Variants in GRN observed in about 807,000 individuals in gnomAD.
GRN encodes granulin precursor.
A neutral mutation model predicts 66.7 loss-of-function variants in GRN; 30 were observed. The ratio of observed to expected loss-of-function variants is 0.45; its 90% confidence interval spans 0.34 to 0.61. The LOEUF (loss-of-function observed/expected upper bound fraction) is 0.61. GRN is among the 20% of genes least tolerant of loss of function. The pLI is 0.01. For synonymous variants in GRN, 327 were observed against 311.1 expected (o/e 1.05, Z -0.54); for missense variants, 731 against 803.5 (o/e 0.91, Z 1.09).
At chr17:44,349,950 C>T (rs1357613381) in intron 4 of GRN, 199 bp downstream of exon 4, 2 of 639,194 alleles carry the variant, frequency 3.1e-6, no homozygotes, top group Non-Finnish European at 5.6e-6. Flanking sequence ...TGCAAGACTC[C>T]AGGTCCAGGC....
chr17:44,351,315 A>G (rs997508256), intron 8 of GRN, 48 bp from the exon 9 acceptor site: 5 of 1,537,380 alleles, frequency 3.3e-6, no homozygotes, highest in Non-Finnish European at 4.5e-6. Context: ...GATACCCCTG[A>G]GGGTCCCCAG....
Position 44,352,008 on chromosome 17 carries a change from C to G in GRN, c.1180-7C>G, listed in dbSNP as rs1288562767. The G allele has an allele frequency of 1.2e-6, 2 of 1,608,826 alleles. No individual in the cohort carries two copies. The highest frequency in any genetic ancestry group is 1.3e-5 in the African/African-American group (1 of 74,936). On this transcript the variant is annotated splice_polypyrimidine_tract_variant and splice_region_variant and intron_variant, in intron 10 of 12. Coordinates refer to ENST00000053867, the MANE Select transcript of GRN (RefSeq NM_002087.4). The stretch of plus-strand genomic sequence containing the variant: ...ACCTACAACGCCCTTTCCTGCCCAC[C>G]CCCCAGGCTGTCTGCTGCTCGGACC...
chr17:44,346,209 G>C (rs2048325553), intron 1 of GRN: 1 of 153,748 alleles, frequency 6.5e-6, no homozygotes, highest in Non-Finnish European at 1.4e-5. Context: ...CACCCAGGAA[G>C]CAGGCGGTGC....
Position 44,351,806 on chromosome 17 carries a change from GGGGACA to G in GRN, c.1179+13_1179+18del. The G allele has an allele frequency of 6.2e-7, 1 of 1,612,108 alleles. No homozygotes were observed. ...TGTCCAATCCCAGAGGTATATGGGAGGGGACAGCATCTTGGCCTGGGCAGGTGGGTG... is the reference window on the plus strand; with the variant it reads ...TGTCCAATCCCAGAGGTATATGGGAGGCATCTTGGCCTGGGCAGGTGGGTG... On this transcript the variant is annotated intron_variant, in intron 10 of 12. Coordinates refer to ENST00000053867, the MANE Select transcript of GRN (RefSeq NM_002087.4).
chr17:44,350,430 A>G lies in GRN; in HGVS notation c.463-12A>G. The G allele has an allele frequency of 1.9e-6, 3 of 1,613,652 alleles. No individual in the cohort carries two copies. Among genetic ancestry groups the G allele is most frequent in the Non-Finnish European group, 2.5e-6 (3 of 1,179,916 alleles). ...AGGGGGTGAAGACGGAGTCAGGACC[A>G]TTTTTTCTCAGGCTTCCTGCTGTGA... On this transcript the variant is annotated splice_polypyrimidine_tract_variant and intron_variant, in intron 5 of 12. Transcript: ENST00000053867.
At chr17:44,351,328 C>T (rs768929056) in intron 8 of GRN, 35 bp from the exon 9 acceptor site, 1 of 1,563,292 alleles carries the variant, frequency 6.4e-7, no homozygotes, top group Non-Finnish European at 8.8e-7. Context: ...GTCCCCAGTG[C>T]CACTTCTGAC....
rs1302480844 is a variant in GRN, at chr17:44,350,279, C to T, written c.401C>T (p.Pro134Leu). The change falls in exon 5 of 13, where the codon CCG becomes CTG. Residue 134 changes from proline to leucine, a missense_variant. Physicochemically the swap from Pro to Leu is moderately conservative, Grantham distance 98. This residue lies in a region of GRN where 370 missense variants were observed against 379.8 expected (regional missense o/e 0.97). Coordinates refer to ENST00000053867, the MANE Select transcript of GRN (RefSeq NM_002087.4). ...TGCCCTGATAGTCAGTTCGAATGCC[C>T]GGACTTCTCCACGTGCTGTGTTATG... is the stretch of plus-strand genomic sequence containing the variant. ...IQCPDSQFEC[P>L]DFSTCCVMVD... 7 of 1,613,684 alleles carry T rather than the reference C, an allele frequency of 4.3e-6. No homozygotes were observed. The highest frequency in any genetic ancestry group is 4.0e-5 in the African/African-American group (3 of 74,780).
At position 44,351,181 on chromosome 17, in the gene GRN, C is replaced by T. The variant is rs1180165521; in HGVS notation, c.835+18C>T. 1.2e-6 allele frequency: 2 copies of T among 1,614,038 alleles called. No individual in the cohort carries two copies. The highest frequency in any genetic ancestry group is 2.2e-5 in the South Asian group (2 of 91,088). Reference sequence around the variant, plus strand: ...GCACACAGGTACCAGAGGCAGGGTGCAGATACAGGGGTGGGGCCCCCTTTC... The same window carrying T: ...GCACACAGGTACCAGAGGCAGGGTGTAGATACAGGGGTGGGGCCCCCTTTC... On this transcript the variant is annotated intron_variant, in intron 8 of 12. Transcript: ENST00000053867.
At chr17:44,350,412 G>A (rs368119838) in intron 5 of GRN, 30 bp from the exon 6 acceptor site, 39 of 1,613,640 alleles carry the variant, frequency 2.4e-5, no homozygotes, top group African/African-American at 2.3e-4. Flanking sequence ...GGCAGGGGGT[G>A]AAGACGGAGT....
rs1221550022 is a variant in GRN, at chr17:44,350,355, G to A, written c.462+15G>A. ...CCATGCCCCAGGTACAAATCTGGGGGAGATGGGGGTATGTGGAGGGAAGTG... is the reference window on the plus strand; with the variant it reads ...CCATGCCCCAGGTACAAATCTGGGGAAGATGGGGGTATGTGGAGGGAAGTG... On this transcript the variant is annotated intron_variant, in intron 5 of 12. Coordinates refer to ENST00000053867, the MANE Select transcript of GRN (RefSeq NM_002087.4). 1.2e-6 allele frequency: 2 copies of A among 1,610,064 alleles called. No homozygotes were observed. The highest frequency in any genetic ancestry group is 8.5e-7 in the Non-Finnish European group (1 of 1,176,642).
In GRN at chr17:44,349,529, C is replaced by A; in HGVS notation, c.242C>A (p.Ser81Tyr). The change falls in exon 3 of 13, where the codon TCC (serine) becomes TAC (tyrosine). Residue 81 changes from serine to tyrosine, a missense_variant. This residue lies in a region of GRN where 370 missense variants were observed against 379.8 expected (regional missense o/e 0.97). Transcript: ENST00000053867. Reference protein sequence around the residue: ...HSCIFTVSGTSSCCPFPEAVA... With the variant: ...HSCIFTVSGTYSCCPFPEAVA... ...TGCATCTTTACCGTCTCAGGGACTT[C>A]CAGTTGCTGCCCCTTCCCAGAGGTG... 2 of 1,614,204 alleles carry A rather than the reference C, an allele frequency of 1.2e-6. No individual in the cohort carries two copies. The highest frequency in any genetic ancestry group is 8.5e-7 in the Non-Finnish European group (1 of 1,180,042).
Position 44,351,742 on chromosome 17 carries a change from G to A in GRN, c.1126G>A (p.Asp376Asn), listed in dbSNP as rs143030899. ...CDNVSSCPSS[D>N]TCCQLTSGEW... Reference sequence around the variant, plus strand: ...TAATGTCAGCAGCTGTCCCTCCTCCGATACCTGCTGCCAACTCACGTCTGG... The same window carrying A: ...TAATGTCAGCAGCTGTCCCTCCTCCAATACCTGCTGCCAACTCACGTCTGG... Residue 376 changes from aspartate to asparagine, a missense_variant, in exon 10 of 13, where the codon GAT (aspartate) becomes AAT (asparagine). Physicochemically the swap from Asp to Asn is conservative, Grantham distance 23 (BLOSUM62 1). Around this residue, in one of 3 missense-constraint regions of GRN, gnomAD observed 319 missense variants for 347.2 expected, o/e 0.92. Transcript: ENST00000053867. 1.2e-4 allele frequency: 193 copies of A among 1,613,532 alleles called. No individual in the cohort carries two copies. In the African/African-American group the frequency reaches 2.2e-3, roughly 19 times the overall value.
At chr17:44,350,132 TG>T in intron 4 of GRN, 95 bp from the exon 5 acceptor site, 1 of 877,448 alleles carries the variant, frequency 1.1e-6, no homozygotes, top group Non-Finnish European at 2.0e-6. Flanking sequence ...CCCCAGTAGC[TG>T]GGCTTGCAGG....
At chr17:44,347,423 G>A (rs1041006194) in intron 1 of GRN, among the ~76,000 whole-genome samples, 1 of 151,820 alleles carries the variant, frequency 6.6e-6, no homozygotes, top group Non-Finnish European at 1.5e-5. Context: ...TGAGTAGCTG[G>A]GATTGCAGGT....
At chr17:44,349,816 C>A in intron 4 of GRN, 65 bp downstream of exon 4, 1 of 1,131,368 alleles carries the variant, frequency 8.8e-7, no homozygotes, top group Non-Finnish European at 1.3e-6. Context: ...AACCCAGGAG[C>A]CCAGCTGGCG....
In GRN at chr17:44,349,457, T is replaced by G. The variant is rs545762769; in HGVS notation, c.170T>G (p.Leu57Arg). 4.8e-5 allele frequency: 78 copies of G among 1,614,182 alleles called. No homozygotes were observed. The South Asian group carries it at 8.3e-4, about 17-fold the overall frequency. Reference sequence around the variant, plus strand: ...TGGCCCACAACACTGAGCAGGCATCTGGGTGGCCCCTGCCAGGTTGATGCC... The same window carrying G: ...TGGCCCACAACACTGAGCAGGCATCGGGGTGGCCCCTGCCAGGTTGATGCC... ...DKWPTTLSRH[L>R]GGPCQVDAHC... Residue 57 changes from leucine (L) to arginine (R), a missense_variant, in exon 3 of 13, where the codon CTG (leucine) becomes CGG (arginine). Physicochemically the swap from Leu to Arg is moderately radical, Grantham distance 102 (BLOSUM62 -2). This residue lies in a region of GRN where 370 missense variants were observed against 379.8 expected (regional missense o/e 0.97). Coordinates refer to ENST00000053867, the MANE Select transcript of GRN (RefSeq NM_002087.4).
intron 4 of GRN, 58 bp downstream of exon 4, chr17:44,349,809 C>T (rs2048355197): frequency 3.4e-6 from 4 of 1,171,888 alleles, no homozygotes; most frequent in Non-Finnish European, 5.1e-6. Context: ...AGTCTGGAAC[C>T]CAGGAGCCCA....
intron 1 of GRN, among the ~76,000 whole-genome samples, chr17:44,347,596 C>T (rs2048335020): frequency 6.6e-6 from 1 of 151,450 alleles, no homozygotes; most frequent in African/African-American, 2.4e-5. Flanking sequence ...ATATTTTGAT[C>T]CCTGGTTGGA....
chr17:44,349,228 G>T lies in GRN; in HGVS notation c.64G>T (p.Asp22Tyr). Residue 22 changes from aspartate (D) to tyrosine (Y), a missense_variant, in exon 2 of 13, where the codon GAT (aspartate) becomes TAT (tyrosine). Physicochemically the swap from Asp to Tyr is radical, Grantham distance 160. Around this residue, in one of 3 missense-constraint regions of GRN, gnomAD observed 370 missense variants for 379.8 expected, o/e 0.97. Transcript: ENST00000053867. The part of the protein sequence containing the change: ...AGLVAGTRCP[D>Y]GQFCPVACCL... ...GCTGGTGGCTGGAACGCGGTGCCCA[G>T]ATGGTCAGTTCTGCCCTGTGGCCTG... 3 of 1,614,068 alleles carry T rather than the reference G, an allele frequency of 1.9e-6. No individual in the cohort carries two copies. Among genetic ancestry groups the T allele is most frequent in the Non-Finnish European group, 2.5e-6 (3 of 1,180,012 alleles).
Sources: gnomAD v4.1 joint callset for allele counts (sites outside exome capture counted in the v4.1 genomes callset) on GRCh38, gnomAD v4.1.1 for gene constraint, gnomAD v4.1.1 regional missense constraint, MANE v1.5 for transcripts, NCBI Gene and HGNC (gene_info 2026-07-23, HGNC 2026-07-21) for gene names.